Variants in CACNA1C observed in about 807,000 individuals in gnomAD.
CACNA1C encodes voltage-dependent L-type calcium channel subunit alpha-1C.
In CACNA1C, 30 loss-of-function variants were observed where a neutral mutation model predicts 229.0. The observed-to-expected ratio is 0.13, with a 90% CI of 0.10 to 0.18. The LOEUF (loss-of-function observed/expected upper bound fraction) is 0.18, where lower values mean the gene tolerates loss of function less well. Among genes scored for constraint, CACNA1C ranks in the 10% least tolerant of loss-of-function variants. CACNA1C has a pLI of 1.00. For synonymous variants in CACNA1C, 1,114 were observed against 1,132.5 expected (o/e 0.98, Z 0.33); for missense variants, 1,658 against 2,845.0 (o/e 0.58, Z 9.49).
intron 1 of CACNA1C, among the ~76,000 whole-genome samples, chr12:2,090,576 C>G (rs2070369127): frequency 2.6e-5 from 4 of 152,084 alleles, no homozygotes; most frequent in Admixed American, 2.6e-4. Context: ...CCTTGGCCTC[C>G]CAAAGTGCTG....
rs76054908 is a variant in CACNA1C, at chr12:2,614,924, C to T, written c.3828+2911C>T. ...GGAAAATAAATTTACTCAAGTAAGT[C>T]CCTGCCTTAAATCTAACCATCCCAC... On this transcript the variant is annotated intron_variant, in intron 29 of 46. Coordinates refer to ENST00000399655, the MANE Select transcript of CACNA1C (RefSeq NM_000719.7). The T allele has an allele frequency of 1.7e-4, 26 of 152,054 alleles. No homozygotes were observed. The East Asian group carries it at 1.7e-3, about 10-fold the overall frequency. 9.4% of individuals were successfully genotyped at this position (152,054 alleles called of 1,614,324 possible). A position where few individuals can be genotyped will look rare whatever the true frequency, so the allele number is the denominator to read the frequency against.
intron 3 of CACNA1C, among the ~76,000 whole-genome samples, chr12:2,163,823 G>A (rs768112925): frequency 2.2e-4 from 33 of 152,190 alleles, no homozygotes; most frequent in Admixed American, 1.3e-4. Context: ...CAAAGCAAGG[G>A]CTATTTGTGG....
chr12:2,552,021 G>C (rs544247745), intron 10 of CACNA1C, among the ~76,000 whole-genome samples: 1 of 152,332 alleles, frequency 6.6e-6, no homozygotes, highest in South Asian at 2.1e-4. Context: ...GGGTTGTTCA[G>C]AGTGAAGTGG....
At chr12:2,042,285 C>A (rs1422720057) in intron 1 of CACNA1C, among the ~76,000 whole-genome samples, 1 of 151,232 alleles carries the variant, frequency 6.6e-6, no homozygotes, top group Non-Finnish European at 1.5e-5. Flanking sequence ...CCATATTACT[C>A]TGCAACAAAA....
intron 29 of CACNA1C, among the ~76,000 whole-genome samples, chr12:2,616,264 T>C (rs1460238717): frequency 6.6e-6 from 1 of 152,148 alleles, no homozygotes; most frequent in Non-Finnish European, 1.5e-5. Context: ...GTTCCCAGTC[T>C]CCGCTCTCTT....
intron 3 of CACNA1C, among the ~76,000 whole-genome samples, chr12:2,170,738 C>G (rs985648294): frequency 6.6e-6 from 1 of 152,188 alleles, no homozygotes; most frequent in African/African-American, 2.4e-5. Flanking sequence ...TTTCTCTTTC[C>G]TCTCCCACGT....
chr12:2,525,692 G>A (rs780392581), intron 9 of CACNA1C, among the ~76,000 whole-genome samples: 1 of 152,138 alleles, frequency 6.6e-6, no homozygotes, highest in Non-Finnish European at 1.5e-5. Flanking sequence ...GGAAAAAGTC[G>A]AGTAACAACC....
chr12:2,257,055 G>T (rs2078195067), intron 3 of CACNA1C, among the ~76,000 whole-genome samples: 2 of 152,166 alleles, frequency 1.3e-5, no homozygotes, highest in African/African-American at 4.8e-5. Flanking sequence ...ATATTGTAGG[G>T]GACCAGGGCT....
intron 1 of CACNA1C, chr12:2,011,426 C>T (rs2044423103): frequency 6.6e-6 from 1 of 152,164 alleles, no homozygotes; most frequent in African/African-American, 2.4e-5. Context: ...CTAGCTGATT[C>T]ATTATCATAG....
At chr12:2,268,840 G>C (rs900190322) in intron 3 of CACNA1C, among the ~76,000 whole-genome samples, 2 of 152,224 alleles carry the variant, frequency 1.3e-5, no homozygotes, top group Non-Finnish European at 2.9e-5. Flanking sequence ...TTCTGTCCCA[G>C]TTAATCTTGG....
At chr12:2,529,310 T>G (rs1282403693) in intron 9 of CACNA1C, among the ~76,000 whole-genome samples, 2 of 152,234 alleles carry the variant, frequency 1.3e-5, no homozygotes, top group Non-Finnish European at 2.9e-5. Flanking sequence ...ATTCCACAGC[T>G]GCATCATAGT....
At chr12:2,295,495 T>C (rs1200235952) in intron 3 of CACNA1C, among the ~76,000 whole-genome samples, 1 of 152,210 alleles carries the variant, frequency 6.6e-6, no homozygotes, top group Non-Finnish European at 1.5e-5. Context: ...CAGGGAATTT[T>C]CTTGTACTTC....
At chr12:1,988,664 A>G (rs532955565) in intron 1 of CACNA1C, among the ~76,000 whole-genome samples, 1 of 152,312 alleles carries the variant, frequency 6.6e-6, no homozygotes, top group African/African-American at 2.4e-5. Context: ...GAATTTCAGG[A>G]AAACTAGGAG....
intron 18 of CACNA1C, among the ~76,000 whole-genome samples, chr12:2,589,796 C>T (rs2064356598): frequency 6.6e-6 from 1 of 152,148 alleles, no homozygotes; most frequent in South Asian, 2.1e-4. Flanking sequence ...GCAGCTTGGA[C>T]AGGGGATGGT....
intron 18 of CACNA1C, among the ~76,000 whole-genome samples, chr12:2,588,501 G>A (rs1435996343): frequency 1.3e-5 from 2 of 152,208 alleles, no homozygotes; most frequent in Non-Finnish European, 1.5e-5. Flanking sequence ...CCAAAGTGAT[G>A]TATCAGAGTG....
In CACNA1C at chr12:2,633,324, C is replaced by T. The variant is rs2091380196; in HGVS notation, c.3829-973C>T. Among the ~76,000 whole-genome samples, 1 of 152,134 alleles carries T rather than the reference C, an allele frequency of 6.6e-6. No individual in the cohort carries two copies. Among genetic ancestry groups the T allele is most frequent in the South Asian group, 2.1e-4 (1 of 4,820 alleles). On this transcript the variant is annotated intron_variant, in intron 29 of 46. Coordinates refer to ENST00000399655, the MANE Select transcript of CACNA1C (RefSeq NM_000719.7). The surrounding 1 kb of genome is among the most constrained non-coding windows in gnomAD (Gnocchi z 5.8). ...CCTGGCGATTTGCACCACCCACGCCCCCCACACCCACTCCTGCCCCTGGTG... is the reference window on the plus strand; with the variant it reads ...CCTGGCGATTTGCACCACCCACGCCTCCCACACCCACTCCTGCCCCTGGTG...
At chr12:2,587,892 G>A (rs1006229523) in intron 18 of CACNA1C, among the ~76,000 whole-genome samples, 3 of 152,248 alleles carry the variant, frequency 2.0e-5, no homozygotes, top group African/African-American at 7.2e-5. Context: ...CCACCACTCC[G>A]GCCTCTGAAG....
chr12:2,618,161 G>A (rs2081550065), intron 29 of CACNA1C, among the ~76,000 whole-genome samples: 1 of 152,198 alleles, frequency 6.6e-6, no homozygotes, highest in East Asian at 1.9e-4. Flanking sequence ...AAAGGGACCA[G>A]ATTCTGACAT....
chr12:2,178,710 A>G (rs2096741698), intron 3 of CACNA1C, among the ~76,000 whole-genome samples: 4 of 152,264 alleles, frequency 2.6e-5, no homozygotes. Context: ...CCAGATTATT[A>G]ACAGGACCCG....
Sources: allele counts gnomAD v4.1 joint callset (sites outside exome capture counted in the v4.1 genomes callset), GRCh38; gene constraint gnomAD v4.1.1; non-coding constraint Gnocchi (gnomAD v3.1); transcripts MANE v1.5; gene names NCBI Gene and HGNC (gene_info 2026-07-23, HGNC 2026-07-21).